The following URI1 variants were observed in gnomAD, a reference collection of about 807,000 sequenced individuals.
URI1 encodes URI1 prefoldin like chaperone.
Under a neutral mutation model 60.2 loss-of-function variants are expected in URI1, and 39 were observed. The ratio of observed to expected loss-of-function variants is 0.65; its 90% confidence interval spans 0.50 to 0.85. The LOEUF is 0.85. Ranked by LOEUF, URI1 falls within the 40% of genes least tolerant of loss-of-function variation. The probability of loss-of-function intolerance (pLI) is 0.00; values close to 1 mark genes in which losing one functional copy is unlikely to be tolerated. For missense variants in URI1, 691 were observed against 665.9 expected, an observed-to-expected ratio of 1.04 and a Z score of -0.42; for synonymous variants, 251 against 236.8, an observed-to-expected ratio of 1.06 and a Z score of -0.55.
chr19:29,942,139 C>T, upstream of URI1: 1 of 880,750 alleles, frequency 1.1e-6, no homozygotes, highest in Non-Finnish European at 1.4e-6. Context: ...CCACGCGGTT[C>T]GCATCAAGCG....
intron 4 of URI1, among the ~76,000 whole-genome samples, chr19:29,996,000 G>C (rs2055807765): frequency 6.6e-6 from 1 of 152,060 alleles, no homozygotes; most frequent in South Asian, 2.1e-4. Flanking sequence ...ACATTATTTT[G>C]ATGAGGGTAG....
intron 1 of URI1, among the ~76,000 whole-genome samples, chr19:29,927,135 G>T (rs1453365337): frequency 6.6e-6 from 1 of 152,202 alleles, no homozygotes; most frequent in African/African-American, 2.4e-5. Flanking sequence ...TCTTGGGCTG[G>T]GGGAGTGTAG....
At chr19:30,013,685 C>T (rs2056050921) in intron 10 of URI1, among the ~76,000 whole-genome samples, 1 of 151,996 alleles carries the variant, frequency 6.6e-6, no homozygotes, top group Non-Finnish European at 1.5e-5. Context: ...AGAAATAGTT[C>T]ATGATTATGG....
chr19:30,015,536 G>A lies in URI1; in HGVS notation c.*467G>A. ...TTAAAAAAATCTACTTCTCTTGTAGGTTTTGCGGCTAGTTGGCTATTCAAG... is the reference window on the plus strand; with the variant it reads ...TTAAAAAAATCTACTTCTCTTGTAGATTTTGCGGCTAGTTGGCTATTCAAG... On this transcript the variant is annotated 3_prime_UTR_variant, in exon 11 of 11. Coordinates refer to ENST00000392271, the MANE Select transcript of URI1 (RefSeq NM_003796.3). 2 of 1,534,810 alleles carry A rather than the reference G, an allele frequency of 1.3e-6. No homozygotes were observed. Among genetic ancestry groups the A allele is most frequent in the African/African-American group, 1.4e-5 (1 of 73,070 alleles).
upstream of URI1, among the ~76,000 whole-genome samples, chr19:29,939,091 C>T (rs1462617422): frequency 6.6e-6 from 1 of 151,842 alleles, no homozygotes; most frequent in Admixed American, 6.6e-5. Context: ...GATTCTCCTG[C>T]CTCAGCCTCC....
chr19:29,992,181 C>T lies in URI1; in HGVS notation c.367+5764C>T, dbSNP rs371854178. 1.4e-4 allele frequency among the ~76,000 whole-genome samples: 22 copies of T among 152,186 alleles called. No homozygotes were observed. In the South Asian group the frequency reaches 1.7e-3, roughly 11 times the overall value. On this transcript the variant is annotated intron_variant, in intron 4 of 10. Coordinates refer to ENST00000392271, the MANE Select transcript of URI1 (RefSeq NM_003796.3). Reference sequence around the variant, plus strand: ...ACCTCCCAAGTTCAAGTGGTTCTCCCGCCTCAGCCTCCCGAGTAGTGGGGA... The same window carrying T: ...ACCTCCCAAGTTCAAGTGGTTCTCCTGCCTCAGCCTCCCGAGTAGTGGGGA...
In URI1 at chr19:29,956,995, A is replaced by C. The variant is rs1016031390; in HGVS notation, c.118-14198A>C. 6.6e-6 allele frequency: 5 copies of C among 757,310 alleles called. No homozygotes were observed. In the South Asian group the frequency reaches 7.6e-5, roughly 12 times the overall value. The allele number at this position is 757,310 out of a possible 1,614,324, so 46.9% of individuals were successfully genotyped here. On this transcript the variant is annotated intron_variant, in intron 1 of 10. Coordinates refer to ENST00000392271, the MANE Select transcript of URI1 (RefSeq NM_003796.3). ...TGCTGAGAATGGTCTTCATTCTCAC[A>C]GTAAACGCAGCAAAAAAAAGTGGCC...
At chr19:29,934,816 A>AT (rs1568402855) in intron 1 of URI1, among the ~76,000 whole-genome samples, 1 of 152,204 alleles carries the variant, frequency 6.6e-6, no homozygotes, top group East Asian at 1.9e-4. Context: ...TTGGCTTCCC[A>AT]GGGATTGGTA....
chr19:29,955,640 C>T (rs143462892), intron 1 of URI1, among the ~76,000 whole-genome samples: 10 of 148,086 alleles, frequency 6.8e-5, no homozygotes, highest in African/African-American at 2.5e-4. Flanking sequence ...GCCATTTTCC[C>T]AGTTACCATT....
chr19:29,991,625 T>G (rs540669106), intron 4 of URI1, among the ~76,000 whole-genome samples: 14 of 152,256 alleles, frequency 9.2e-5, no homozygotes, highest in African/African-American at 3.1e-4. Flanking sequence ...TGGCTAGGAC[T>G]TGCAGTATAA....
chr19:29,971,107 A>C, intron 1 of URI1, 86 bp from the exon 2 acceptor site: 1 of 1,272,992 alleles, frequency 7.9e-7, no homozygotes, highest in East Asian at 2.4e-5. Context: ...CTGTAAAGCC[A>C]ATGTTCTAGT....
chr19:29,998,204 A>G (rs975194303), intron 4 of URI1, among the ~76,000 whole-genome samples: 3 of 152,078 alleles, frequency 2.0e-5, no homozygotes, highest in Non-Finnish European at 2.9e-5. Flanking sequence ...ACTTTATATG[A>G]TTTCAATCTT....
At chr19:30,006,483 G>GAT (rs2055944305) in intron 6 of URI1, among the ~76,000 whole-genome samples, 1 of 152,088 alleles carries the variant, frequency 6.6e-6, no homozygotes, top group Non-Finnish European at 1.5e-5. Context: ...TGAAATAAAG[G>GAT]ATATGTATAT....
chr19:29,996,033 A>G (rs2145407786), intron 4 of URI1, among the ~76,000 whole-genome samples: 1 of 152,292 alleles, frequency 6.6e-6, no homozygotes, highest in East Asian at 1.9e-4. Context: ...TTTTGAAAAC[A>G]GAAAGATGAG....
chr19:30,015,674 T>C lies in URI1; in HGVS notation c.*605T>C. 4 of 1,312,440 alleles carry C rather than the reference T, an allele frequency of 3.0e-6. No homozygotes were observed. The South Asian group carries it at 5.5e-5, about 18-fold the overall frequency. The allele number at this position is 1,312,440 out of a possible 1,614,324, so 81.3% of individuals were successfully genotyped here. A position where few individuals can be genotyped will look rare whatever the true frequency, so the allele number is the denominator to read the frequency against. On this transcript the variant is annotated 3_prime_UTR_variant, in exon 11 of 11. Transcript: ENST00000392271. The stretch of plus-strand genomic sequence containing the variant: ...AAAGATATTTTGTAAAACTTTTTTT[T>C]CCAAGTAAAAACTTTATGAAACTTG...
chr19:29,976,470 T>C (rs571647324), intron 2 of URI1, among the ~76,000 whole-genome samples: 1 of 152,250 alleles, frequency 6.6e-6, no homozygotes, highest in South Asian at 2.1e-4. Context: ...TCTATGGGCA[T>C]CTCAGCAGCA....
intron 4 of URI1, among the ~76,000 whole-genome samples, chr19:29,995,591 T>A (rs2055801857): frequency 6.6e-6 from 1 of 151,878 alleles, no homozygotes; most frequent in African/African-American, 2.4e-5. Context: ...GCCCTTTTAC[T>A]TTCTTGATAA....
At position 30,012,334 on chromosome 19, in the gene URI1, C is replaced by T. The variant is rs1043872; in HGVS notation, c.1228C>T (p.Leu410=). The T allele has an allele frequency of 3.7e-6, 6 of 1,614,118 alleles. No individual in the cohort carries two copies. The highest frequency in any genetic ancestry group is 5.1e-6 in the Non-Finnish European group (6 of 1,180,002). ...NGEYVPRKSI[L]KSRSRENSVC... ...AGAATATGTCCCTCGCAAATCCATCCTGAAGTCTCGAAGTAGAGAGAATAG... is the reference window on the plus strand; with the variant it reads ...AGAATATGTCCCTCGCAAATCCATCTTGAAGTCTCGAAGTAGAGAGAATAG... The change falls in exon 10 of 11, where the codon CTG becomes TTG. Residue 410 remains leucine (L), a synonymous_variant. Transcript: ENST00000392271.
intron 1 of URI1, among the ~76,000 whole-genome samples, chr19:29,929,346 C>T (rs1219988373): frequency 6.6e-6 from 1 of 151,646 alleles, no homozygotes; most frequent in Non-Finnish European, 1.5e-5. Flanking sequence ...CCTGTAATCC[C>T]AGCACTTTGG....
Sources: allele counts gnomAD v4.1 joint callset (sites outside exome capture counted in the v4.1 genomes callset), GRCh38; gene constraint gnomAD v4.1.1; transcripts MANE v1.5; gene names NCBI Gene and HGNC (gene_info 2026-07-23, HGNC 2026-07-21).